SENP8: variants seen among roughly 807,000 people sequenced by gnomAD.
SENP8 encodes sentrin-specific protease 8.
SENP8 carries 10 observed loss-of-function variants against 14.4 expected under a neutral mutation model. The ratio of observed to expected loss-of-function variants is 0.69; its 90% CI spans 0.43 to 1.18. SENP8 has a LOEUF of 1.18. Among genes scored for constraint, SENP8 ranks in the 50% most tolerant of loss-of-function variants. SENP8 has a pLI of 0.00. For missense variants in SENP8, 202 were observed against 249.4 expected, an observed-to-expected ratio of 0.81 and a Z score of 1.28; for synonymous variants, 94 against 95.5, an observed-to-expected ratio of 0.98 and a Z score of 0.09.
intron 1 of SENP8, among the ~76,000 whole-genome samples, chr15:72,124,232 A>T (rs146198909): frequency 8.9e-4 from 135 of 152,316 alleles, no homozygotes; most frequent in African/African-American, 3.1e-3. Flanking sequence ...TACTTTGCTC[A>T]CTCAGGAAAA....
At chr15:72,117,872 G>A (rs1596632099), upstream of SENP8, 2 of 398,304 alleles carry the variant, frequency 5.0e-6, no homozygotes, top group East Asian at 3.6e-5. Context: ...CGCCCTGTCA[G>A]AGAGACTCCG....
chr15:72,125,730 G>C (rs1304118005), intron 1 of SENP8, among the ~76,000 whole-genome samples: 1 of 151,952 alleles, frequency 6.6e-6, no homozygotes, highest in African/African-American at 2.4e-5. Context: ...CCAAACTCTC[G>C]TTAGCCTCTA....
At chr15:72,118,910 G>C (rs1392431852) in intron 1 of SENP8, among the ~76,000 whole-genome samples, 2 of 152,072 alleles carry the variant, frequency 1.3e-5, no homozygotes, top group African/African-American at 4.8e-5. Context: ...GTGACTTTTG[G>C]GTCACTTTTA....
chr15:72,123,787 G>A (rs888547224), intron 1 of SENP8, among the ~76,000 whole-genome samples: 1 of 152,140 alleles, frequency 6.6e-6, no homozygotes, highest in East Asian at 1.9e-4. Context: ...TGATCCACCC[G>A]CCTTGGCCTC....
rs773217549 is a variant in SENP8, at chr15:72,140,040, C to G, written c.417C>G (p.Phe139Leu). Residue 139 changes from phenylalanine to leucine, a missense_variant, in exon 2 of 2, where the codon TTC (phenylalanine) becomes TTG (leucine). By Grantham distance (22) the Phe-to-Leu change is conservative. Transcript: ENST00000340912. Reference protein sequence around the residue: ...AKQVAEKLEAFLGRKGDKLAF... With the variant: ...AKQVAEKLEALLGRKGDKLAF... ...AGGTAGCAGAGAAACTGGAGGCTTT[C>G]TTAGGCAGAAAAGGAGACAAACTGG... 2 of 1,614,182 alleles carry G rather than the reference C, an allele frequency of 1.2e-6. No homozygotes were observed. The highest frequency in any genetic ancestry group is 3.3e-5 in the Admixed American group (2 of 60,026).
chr15:72,141,307 A>G lies in SENP8; in HGVS notation c.*1045A>G, dbSNP rs1370755669. 6.6e-6 allele frequency: 1 copy of G among 152,176 alleles called. No homozygotes were observed. Among genetic ancestry groups the G allele is most frequent in the Non-Finnish European group, 1.5e-5 (1 of 68,024 alleles). The allele number at this position is 152,176 out of a possible 1,614,324, so 9.4% of individuals were successfully genotyped here. On this transcript the variant is annotated 3_prime_UTR_variant, in exon 2 of 2. Coordinates refer to ENST00000340912, the MANE Select transcript of SENP8 (RefSeq NM_145204.4). ...AAAAGTGACCTTTCTCAGCCCTTTT[A>G]CTTAATTAAAAATGCAGGGAATGTA...
chr15:72,125,471 T>C (rs975390368), intron 1 of SENP8, among the ~76,000 whole-genome samples: 5 of 152,146 alleles, frequency 3.3e-5, no homozygotes, highest in African/African-American at 1.2e-4. Flanking sequence ...CTTTTTAACA[T>C]TTAAATTTGT....
chr15:72,139,879 G>A lies in SENP8; in HGVS notation c.256G>A (p.Val86Ile), dbSNP rs921506624. 6.2e-7 allele frequency: 1 copy of A among 1,614,202 alleles called. No homozygotes were observed. Among genetic ancestry groups the A allele is most frequent in the African/African-American group, 1.3e-5 (1 of 75,038 alleles). ...ACTGGACCTCCCCAACAAGAGAGTT[G>A]TATTTTTAGCCATCAATGATAACTC... ...EPLDLPNKRV[V>I]FLAINDNSNQ... Residue 86 changes from valine to isoleucine, a missense_variant, in exon 2 of 2, where the codon GTA (valine) becomes ATA (isoleucine). Transcript: ENST00000340912.
chr15:72,127,873 C>T (rs540690467), intron 1 of SENP8, among the ~76,000 whole-genome samples: 63 of 152,086 alleles, frequency 4.1e-4, no homozygotes, highest in Non-Finnish European at 8.4e-4. Flanking sequence ...AGTGTGAAGA[C>T]AATAGAAAAC....
upstream of SENP8, chr15:72,118,031 T>G (rs1447621219): frequency 2.5e-6 from 1 of 396,808 alleles, no homozygotes; most frequent in Admixed American, 4.4e-5. Flanking sequence ...CTGTACTCTC[T>G]CAACAGACAC....
intron 1 of SENP8, among the ~76,000 whole-genome samples, chr15:72,120,952 C>A (rs2151321293): frequency 6.6e-6 from 1 of 152,232 alleles, no homozygotes; most frequent in South Asian, 2.1e-4. Context: ...TTCACAGAAC[C>A]CTGATATTCT....
chr15:72,125,426 G>A (rs1405593794), intron 1 of SENP8, among the ~76,000 whole-genome samples: 3 of 151,850 alleles, frequency 2.0e-5, no homozygotes, highest in Non-Finnish European at 4.4e-5. Flanking sequence ...TCATGTAAGT[G>A]TATTAACTAA....
chr15:72,114,906 ACCT>A (rs2080913447), upstream of SENP8, among the ~76,000 whole-genome samples: 1 of 152,332 alleles, frequency 6.6e-6, no homozygotes, highest in East Asian at 1.9e-4. Context: ...ATATTTTCAA[ACCT>A]CCTACATTTC....
chr15:72,118,710 G>A (rs2081102170), intron 1 of SENP8: 1 of 152,350 alleles, frequency 6.6e-6, no homozygotes, highest in Non-Finnish European at 1.5e-5. Context: ...CATGCCTTGG[G>A]TTCCAGAATG....
At chr15:72,129,135 A>G (rs559070819) in intron 1 of SENP8, among the ~76,000 whole-genome samples, 2 of 152,358 alleles carry the variant, frequency 1.3e-5, no homozygotes, top group African/African-American at 4.8e-5. Flanking sequence ...TCTAATACAT[A>G]TTTTAATCCC....
intron 1 of SENP8, among the ~76,000 whole-genome samples, chr15:72,121,638 C>G (rs2081168710): frequency 2.0e-5 from 3 of 151,926 alleles, no homozygotes; most frequent in Admixed American, 2.0e-4. Flanking sequence ...GAGACTGAAG[C>G]AGGAGGATTA....
upstream of SENP8, chr15:72,114,288 C>T (rs1377042384): frequency 6.6e-6 from 1 of 152,164 alleles, no homozygotes; most frequent in South Asian, 2.1e-4. Flanking sequence ...AGAGAATGAA[C>T]AGGAGGGCAT....
chr15:72,143,329 A>T lies in SENP8; in HGVS notation c.*3067A>T, dbSNP rs2081391921. 6.6e-6 allele frequency: 1 copy of T among 152,218 alleles called. No individual in the cohort carries two copies. The highest frequency in any genetic ancestry group is 2.4e-5 in the African/African-American group (1 of 41,468). 9.4% of individuals were successfully genotyped at this position (152,218 alleles called of 1,614,324 possible). A position where few individuals can be genotyped will look rare whatever the true frequency, so the allele number is the denominator to read the frequency against. ...ACCTTGTTTTCCTTCTGTCCTACTC[A>T]GTTCCATTTTAAGACTAACAACAAG... On this transcript the variant is annotated 3_prime_UTR_variant, in exon 2 of 2. Transcript: ENST00000340912.
intron 1 of SENP8, among the ~76,000 whole-genome samples, chr15:72,122,293 A>G (rs575527441): frequency 6.7e-6 from 1 of 148,978 alleles, no homozygotes; most frequent in Admixed American, 6.7e-5. Flanking sequence ...TGAGTCCTAC[A>G]TTTCTGACTT....
Sources: allele counts gnomAD v4.1 joint callset (sites outside exome capture counted in the v4.1 genomes callset), GRCh38; gene constraint gnomAD v4.1.1; transcripts MANE v1.5; gene names NCBI Gene and HGNC (gene_info 2026-07-23, HGNC 2026-07-21).